RANBP2: variants seen among roughly 807,000 people sequenced by gnomAD.
RANBP2 encodes the protein RAN binding protein 2, also known as E3 SUMO-protein ligase RanBP2.
RANBP2 carries 57 observed loss-of-function variants against 303.6 expected under a neutral mutation model. The observed-to-expected ratio is 0.19, with a 90% CI of 0.15 to 0.23. The LOEUF is 0.23. RANBP2 is among the 10% of genes least tolerant of loss of function. The pLI, the probability that RANBP2 is intolerant of heterozygous loss-of-function variation, is 1.00. For missense variants in RANBP2, 3,138 were observed against 3,780.8 expected, an observed-to-expected ratio of 0.83 and a Z score of 4.46; for synonymous variants, 1,167 against 1,301.5, an observed-to-expected ratio of 0.90 and a Z score of 2.23.
chr2:109,457,034 A>C, the RANBP2 span, among the ~76,000 whole-genome samples: 4 of 152,290 alleles, frequency 2.6e-5, no homozygotes, highest in African/African-American at 9.6e-5. Context: ...AGTGTGAATC[A>C]ATCTCCTGTT....
chr2:109,206,891 C>T, the RANBP2 span, among the ~76,000 whole-genome samples: 2 of 152,186 alleles, frequency 1.3e-5, no homozygotes, highest in African/African-American at 2.4e-5. Flanking sequence ...CCCCTTCTGC[C>T]CAGTCATGGG....
chr2:108,873,303 GA>G, the RANBP2 span: 1 of 542,012 alleles, frequency 1.8e-6, no homozygotes, highest in East Asian at 4.1e-5. Flanking sequence ...TTCAAATGAT[GA>G]TATTTTCACT....
At chr2:109,296,137 C>A in the RANBP2 span, among the ~76,000 whole-genome samples, 4 of 152,112 alleles carry the variant, frequency 2.6e-5, no homozygotes, top group African/African-American at 9.7e-5. Flanking sequence ...CTGTGCGCAG[C>A]CCCCAACCCC....
the RANBP2 span, among the ~76,000 whole-genome samples, chr2:109,143,684 G>T: frequency 6.6e-6 from 1 of 152,060 alleles, no homozygotes; most frequent in African/African-American, 2.4e-5. Flanking sequence ...AGCCCAGGAG[G>T]TTGAGGCTGC....
chr2:109,593,026 G>T, the RANBP2 span: 2 of 1,485,932 alleles, frequency 1.3e-6, no homozygotes, highest in Non-Finnish European at 1.8e-6. Context: ...GTACAATATG[G>T]TATCTATTTA....
chr2:109,101,183 A>G, the RANBP2 span, among the ~76,000 whole-genome samples: 1 of 152,160 alleles, frequency 6.6e-6, no homozygotes. Context: ...CTTGTAGTTC[A>G]TGCATTGCCT....
At chr2:108,833,726 C>CTTT in the RANBP2 span, among the ~76,000 whole-genome samples, 1 of 91,026 alleles carries the variant, frequency 1.1e-5, no homozygotes, top group African/African-American at 4.1e-5. Flanking sequence ...GTGGAGTAAA[C>CTTT]TTTTTTTTTT....
chr2:109,316,416 A>G, the RANBP2 span, among the ~76,000 whole-genome samples: 1 of 152,182 alleles, frequency 6.6e-6, no homozygotes, highest in African/African-American at 2.4e-5. Context: ...CTTCCTGTCT[A>G]TCACAGGAGG....
chr2:108,815,935 ATATAGG>A, the RANBP2 span: 4 of 1,594,642 alleles, frequency 2.5e-6, no homozygotes, highest in Non-Finnish European at 3.4e-6. Flanking sequence ...AATTTTTGAC[ATATAGG>A]TACCACTTAA....
the RANBP2 span, among the ~76,000 whole-genome samples, chr2:109,268,997 T>C: frequency 6.0e-4 from 91 of 152,336 alleles, 1 homozygote; most frequent in African/African-American, 1.8e-3. Context: ...TTCTGAGCCC[T>C]AAGACATGCC....
the RANBP2 span, among the ~76,000 whole-genome samples, chr2:109,391,992 T>G: frequency 6.6e-6 from 1 of 152,068 alleles, no homozygotes; most frequent in Non-Finnish European, 1.5e-5. Context: ...TAATTTTAAT[T>G]TTTTACAGAG....
chr2:109,703,228 A>G, the RANBP2 span, among the ~76,000 whole-genome samples: 4 of 152,220 alleles, frequency 2.6e-5, no homozygotes, highest in African/African-American at 7.2e-5. Context: ...TTTACCAAGC[A>G]CTGAGATTCG....
At chr2:109,613,028 T>C in the RANBP2 span, 2 of 522,924 alleles carry the variant, frequency 3.8e-6, no homozygotes, top group East Asian at 6.8e-5. Context: ...CACCAATGTT[T>C]ACTATCAAAA....
At chr2:109,372,756 G>A in the RANBP2 span, among the ~76,000 whole-genome samples, 1 of 152,144 alleles carries the variant, frequency 6.6e-6, no homozygotes, top group Non-Finnish European at 1.5e-5. Context: ...ATGAACTGCA[G>A]TTTACTCAGC....
the RANBP2 span, among the ~76,000 whole-genome samples, chr2:109,278,213 C>G: frequency 6.6e-6 from 1 of 151,976 alleles, no homozygotes; most frequent in Non-Finnish European, 1.5e-5. Context: ...TTCACCAGGA[C>G]TATTTTCTCT....
chr2:109,628,274 A>G, the RANBP2 span, among the ~76,000 whole-genome samples: 2,734 of 152,264 alleles, frequency 0.018, 73 homozygotes, highest in African/African-American at 0.062. Flanking sequence ...TGGGTGGATC[A>G]CTTGATGTCA....
the RANBP2 span, among the ~76,000 whole-genome samples, chr2:109,088,858 A>T: frequency 6.6e-6 from 1 of 152,216 alleles, no homozygotes; most frequent in South Asian, 2.1e-4. Context: ...TCTTGTGGTT[A>T]AAAAAGTAGA....
At chr2:109,442,740 A>G in the RANBP2 span, among the ~76,000 whole-genome samples, 1 of 152,198 alleles carries the variant, frequency 6.6e-6, no homozygotes, top group African/African-American at 2.4e-5. Context: ...GCTAAAAGGG[A>G]ATAAAAAGGA....
chr2:109,285,533 C>T, the RANBP2 span, among the ~76,000 whole-genome samples: 3 of 152,294 alleles, frequency 2.0e-5, no homozygotes, highest in Admixed American at 6.5e-5. Context: ...GCAGGGCAAT[C>T]GCTTGCCTGG....
Sources: allele counts gnomAD v4.1 joint callset (sites outside exome capture counted in the v4.1 genomes callset), GRCh38; gene constraint gnomAD v4.1.1; transcripts MANE v1.5; gene names NCBI Gene and HGNC (gene_info 2026-07-23, HGNC 2026-07-21).